LAMA1: variants seen among roughly 807,000 people sequenced by gnomAD.
LAMA1 encodes laminin subunit alpha-1.
A neutral mutation model predicts 348.7 loss-of-function variants in LAMA1; 219 were observed. The observed-to-expected ratio is 0.63, with a 90% CI of 0.56 to 0.70. LAMA1 has a LOEUF of 0.70. Ranked by LOEUF, LAMA1 falls within the 30% of genes least tolerant of loss-of-function variation. The pLI is 0.00. For missense variants in LAMA1, 3,744 were observed against 3,888.0 expected (o/e 0.96, Z 0.99); for synonymous variants, 1,487 against 1,491.0 (o/e 1.00, Z 0.06).
intron 57 of LAMA1, among the ~76,000 whole-genome samples, chr18:6,951,373 T>G (rs1025481221): frequency 1.4e-4 from 22 of 152,190 alleles, no homozygotes; most frequent in Admixed American, 1.2e-3. Flanking sequence ...AGTGAGAGCT[T>G]GATGGCAGGG....
chr18:7,107,408 G>T lies in LAMA1; in HGVS notation c.61+10252C>A, dbSNP rs190254694. 1.2e-4 allele frequency among the ~76,000 whole-genome samples: 19 copies of T among 152,064 alleles called. No homozygotes were observed. In the East Asian group the frequency reaches 3.7e-3, roughly 30 times the overall value. On this transcript the variant is annotated intron_variant, in intron 1 of 62. Coordinates refer to ENST00000389658, the MANE Select transcript of LAMA1 (RefSeq NM_005559.4). ...GCTGAGATTACAGGCGTGAGCCACC[G>T]CCCCCAGCCAGAAAACTCCTTTTGA...
chr18:7,051,518 T>G (rs2058062333), intron 3 of LAMA1, among the ~76,000 whole-genome samples: 2 of 152,180 alleles, frequency 1.3e-5, no homozygotes, highest in Non-Finnish European at 2.9e-5. Flanking sequence ...GCATTTGTTT[T>G]CAGAATGAAC....
At position 7,013,987 on chromosome 18, in the gene LAMA1, T is replaced by C; in HGVS notation, c.3191A>G (p.Gln1064Arg). The C allele has an allele frequency of 6.2e-7, 1 of 1,613,962 alleles. No homozygotes were observed. The highest frequency in any genetic ancestry group is 8.5e-7 in the Non-Finnish European group (1 of 1,179,960). The change falls in exon 23 of 63, where the codon CAG becomes CGG. Residue 1064 changes from glutamine (Q) to arginine (R), a missense_variant. Transcript: ENST00000389658. The stretch of plus-strand genomic sequence containing the variant: ...CCGGCCACCAAATTTTGACTTGCAC[T>C]GGCAATGGCCGGTGACCACATCGCA... ...HRCDVVTGHC[Q>R]CKSKFGGRAC... is the part of the protein sequence containing the mutation.
intron 44 of LAMA1, among the ~76,000 whole-genome samples, 174 bp from the exon 45 acceptor site, chr18:6,976,254 T>C (rs1274691930): frequency 6.6e-6 from 1 of 152,226 alleles, no homozygotes; most frequent in African/African-American, 2.4e-5. Context: ...ACAAAAATGA[T>C]TTCATTAAGT....
intron 56 of LAMA1, 129 bp from the exon 57 acceptor site, chr18:6,955,594 T>C (rs757586509): frequency 2.8e-6 from 2 of 718,574 alleles, no homozygotes; most frequent in South Asian, 1.5e-5. Context: ...CCAGTGCCTG[T>C]TGGCGCTCAC....
intron 19 of LAMA1, among the ~76,000 whole-genome samples, chr18:7,022,687 T>G (rs114090251): frequency 6.6e-6 from 1 of 152,158 alleles, no homozygotes; most frequent in Non-Finnish European, 1.5e-5. Context: ...CAGAGTGCCA[T>G]AGGGGTCGGG....
chr18:7,076,679 A>G (rs951251932), intron 3 of LAMA1: 2 of 151,732 alleles, frequency 1.3e-5, no homozygotes, highest in Non-Finnish European at 2.9e-5. Context: ...AAAAAAAAGC[A>G]GTAAAAGATA....
chr18:6,982,467 C>A lies in LAMA1; in HGVS notation c.5890+30G>T, dbSNP rs201190209. The A allele has an allele frequency of 2.5e-6, 4 of 1,587,402 alleles. No homozygotes were observed. The East Asian group carries it at 8.9e-5, about 35-fold the overall frequency. ...AGCGAGACGCTCACGCTCACTCTGCCTGTCTACACCGTCCGAGCCACATAC... is the reference window on the plus strand; with the variant it reads ...AGCGAGACGCTCACGCTCACTCTGCATGTCTACACCGTCCGAGCCACATAC... On this transcript the variant is annotated intron_variant, in intron 41 of 62. Coordinates refer to ENST00000389658, the MANE Select transcript of LAMA1 (RefSeq NM_005559.4).
At chr18:6,984,661 T>C (rs1034832010) in intron 39 of LAMA1, among the ~76,000 whole-genome samples, 2 of 152,208 alleles carry the variant, frequency 1.3e-5, no homozygotes, top group Non-Finnish European at 2.9e-5. Flanking sequence ...AAGGAATTTT[T>C]AGCAAGTTGA....
intron 25 of LAMA1, among the ~76,000 whole-genome samples, chr18:7,010,779 C>T (rs960360735): frequency 1.3e-5 from 2 of 152,124 alleles, no homozygotes; most frequent in East Asian, 3.9e-4. Flanking sequence ...CAAGTGATGC[C>T]TTTCATGATC....
chr18:6,959,428 G>T lies in LAMA1; in HGVS notation c.7691C>A (p.Thr2564Lys). 2 of 1,614,188 alleles carry T rather than the reference G, an allele frequency of 1.2e-6. No homozygotes were observed. Among genetic ancestry groups the T allele is most frequent in the Non-Finnish European group, 1.7e-6 (2 of 1,180,036 alleles). ...IEVHVNPGDG[T>K]GLRKALLHAP... The stretch of plus-strand genomic sequence containing the variant: ...GTGCAGGAGAGCTTTTCTCAGGCCT[G>T]TCCCATCCCCAGGATTGACATGTAC... Residue 2564 changes from threonine (T) to lysine (K), a missense_variant, in exon 54 of 63, where the codon ACA (threonine) becomes AAA (lysine). Physicochemically the swap from Thr to Lys is moderately conservative, Grantham distance 78. Around this residue, in one of 3 missense-constraint regions of LAMA1, gnomAD observed 1,983 missense variants for 1,934.3 expected, o/e 1.03. Transcript: ENST00000389658.
intron 19 of LAMA1, among the ~76,000 whole-genome samples, 153 bp from the exon 20 acceptor site, chr18:7,017,537 T>C (rs4797276): frequency 0.27 from 41,642 of 152,090 alleles, 6,479 homozygotes; most frequent in African/African-American, 0.43. Context: ...TTTAGAAGTT[T>C]AGCATTTTTC....
At chr18:6,985,065 T>C (rs539213715) in intron 39 of LAMA1, among the ~76,000 whole-genome samples, 172 bp downstream of exon 39, 1 of 152,334 alleles carries the variant, frequency 6.6e-6, no homozygotes, top group African/African-American at 2.4e-5. Context: ...TGTAGGCCAA[T>C]GGTAAACTAT....
intron 5 of LAMA1, among the ~76,000 whole-genome samples, 163 bp from the exon 6 acceptor site, chr18:7,046,530 C>T (rs1006110113): frequency 2.0e-5 from 3 of 152,082 alleles, no homozygotes; most frequent in African/African-American, 7.2e-5. Context: ...CACAAAGAAT[C>T]CTGTGCTCAA....
chr18:7,096,155 G>A (rs561510562), intron 1 of LAMA1, among the ~76,000 whole-genome samples: 60 of 152,338 alleles, frequency 3.9e-4, no homozygotes, highest in Middle Eastern at 3.4e-3. Context: ...ATTAAAACAG[G>A]TGATGTGTCT....
chr18:7,072,472 C>A (rs953055326), intron 3 of LAMA1, among the ~76,000 whole-genome samples: 1 of 152,182 alleles, frequency 6.6e-6, no homozygotes, highest in Non-Finnish European at 1.5e-5. Context: ...TTCTGTATTT[C>A]CTCCATCCCT....
rs370541746 is a variant in LAMA1, at chr18:6,992,749, T to C, written c.5009-29A>G. ...TGGAGAAAATTCATCAATTATTTAA[T>C]AAGCCTCTCAAAAGTGGCTAGTACC... On this transcript the variant is annotated intron_variant, in intron 35 of 62. Transcript: ENST00000389658. 1.1e-5 allele frequency: 17 copies of C among 1,594,402 alleles called. No individual in the cohort carries two copies. In the African/African-American group the frequency reaches 2.0e-4, roughly 19 times the overall value.
chr18:6,998,379 A>G (rs1012707781), intron 32 of LAMA1, among the ~76,000 whole-genome samples: 9 of 152,260 alleles, frequency 5.9e-5, no homozygotes, highest in East Asian at 1.9e-4. Flanking sequence ...GCACCTAAAG[A>G]CAGGCAGGGA....
At chr18:6,999,184 G>C (rs16950999) in intron 32 of LAMA1, among the ~76,000 whole-genome samples, 6,405 of 152,168 alleles carry the variant, frequency 0.042, 291 homozygotes, top group African/African-American at 0.11. Flanking sequence ...TGCCACTAAA[G>C]GAGAAAGTTG....
Sources: gnomAD v4.1 joint callset for allele counts (sites outside exome capture counted in the v4.1 genomes callset) on GRCh38, gnomAD v4.1.1 for gene constraint, gnomAD v4.1.1 regional missense constraint, MANE v1.5 for transcripts, NCBI Gene and HGNC (gene_info 2026-07-23, HGNC 2026-07-21) for gene names.